The following PLPPR1 variants were observed in gnomAD, a reference collection of about 807,000 sequenced individuals.
PLPPR1 encodes the protein phospholipid phosphatase-related protein type 1.
In PLPPR1, 10 loss-of-function variants were observed where a neutral mutation model predicts 33.1. The ratio of observed to expected loss-of-function variants is 0.30; its 90% CI spans 0.19 to 0.51. PLPPR1 has a LOEUF of 0.51. Among genes scored for constraint, PLPPR1 ranks in the 20% least tolerant of loss-of-function variants. The pLI is 0.97. For synonymous variants in PLPPR1, 151 were observed against 151.0 expected, an observed-to-expected ratio of 1.00 and a Z score of 0.00; for missense variants, 304 against 408.1, an observed-to-expected ratio of 0.74 and a Z score of 2.20.
chr9:101,178,254 A>G (rs926972380), intron 1 of PLPPR1, among the ~76,000 whole-genome samples: 1 of 152,190 alleles, frequency 6.6e-6, no homozygotes, highest in Non-Finnish European at 1.5e-5. Flanking sequence ...GCTCAGCATC[A>G]TGGACTTCCA....
chr9:101,072,039 A>G (rs981418778), intron 1 of PLPPR1, among the ~76,000 whole-genome samples: 1 of 152,150 alleles, frequency 6.6e-6, no homozygotes, highest in African/African-American at 2.4e-5. Flanking sequence ...GAAGATACAC[A>G]TGATTTCAGT....
At chr9:101,267,952 T>C (rs1358407137) in intron 2 of PLPPR1, among the ~76,000 whole-genome samples, 3 of 152,132 alleles carry the variant, frequency 2.0e-5, no homozygotes, top group Non-Finnish European at 2.9e-5. Context: ...ATGTCCTTTG[T>C]AGGGACATGG....
At position 101,259,747 on chromosome 9, in the gene PLPPR1, G is replaced by T. The variant is rs148568273; in HGVS notation, c.64-10133G>T. On this transcript the variant is annotated intron_variant, in intron 2 of 7. Coordinates refer to ENST00000374874, the MANE Select transcript of PLPPR1 (RefSeq NM_207299.2). ...ATTAATATATGTAAGTTGTACATTGGTTCAGTCCAGAAAGGCGGGACAACT... is the reference window on the plus strand; with the variant it reads ...ATTAATATATGTAAGTTGTACATTGTTTCAGTCCAGAAAGGCGGGACAACT... Among the ~76,000 whole-genome samples the T allele has an allele frequency of 3.3e-5, 5 of 152,284 alleles. No homozygotes were observed. In the East Asian group the frequency reaches 9.7e-4, roughly 29 times the overall value.
chr9:101,129,978 A>G (rs1215355120), intron 1 of PLPPR1, among the ~76,000 whole-genome samples: 1 of 152,190 alleles, frequency 6.6e-6, no homozygotes, highest in Non-Finnish European at 1.5e-5. Context: ...AGTGCAAACT[A>G]ATGTATTTTG....
At chr9:101,296,051 C>T (rs1239197561) in intron 4 of PLPPR1, among the ~76,000 whole-genome samples, 2 of 151,998 alleles carry the variant, frequency 1.3e-5, no homozygotes, top group Admixed American at 6.6e-5. Context: ...ACAACCTACT[C>T]ATCTGACAAA....
chr9:101,117,233 G>A (rs1398629712), intron 1 of PLPPR1, among the ~76,000 whole-genome samples: 2 of 152,170 alleles, frequency 1.3e-5, no homozygotes, highest in Non-Finnish European at 2.9e-5. Flanking sequence ...GATGAGATAG[G>A]AGGTCAGCAC....
chr9:101,259,173 A>T (rs1375254873), intron 2 of PLPPR1, among the ~76,000 whole-genome samples: 1 of 152,102 alleles, frequency 6.6e-6, no homozygotes, highest in Non-Finnish European at 1.5e-5. Flanking sequence ...GAAGACAAGG[A>T]TGTAGTATTT....
At chr9:101,211,618 A>C (rs1826692404) in intron 2 of PLPPR1, among the ~76,000 whole-genome samples, 1 of 152,080 alleles carries the variant, frequency 6.6e-6, no homozygotes, top group Non-Finnish European at 1.5e-5. Flanking sequence ...AGTTAGGCCC[A>C]CCTCCTTAAC....
intron 7 of PLPPR1, among the ~76,000 whole-genome samples, chr9:101,322,995 A>T (rs1362720034): frequency 6.6e-6 from 1 of 152,162 alleles, no homozygotes; most frequent in Admixed American, 6.5e-5. Flanking sequence ...CCCCCCAAAA[A>T]TTCTATACAT....
At chr9:101,118,484 T>A (rs1831140917) in intron 1 of PLPPR1, among the ~76,000 whole-genome samples, 1 of 152,168 alleles carries the variant, frequency 6.6e-6, no homozygotes, top group African/African-American at 2.4e-5. Flanking sequence ...GGAAGGGATA[T>A]CTGGAACTCT....
At chr9:101,097,623 A>G (rs1830836626) in intron 1 of PLPPR1, among the ~76,000 whole-genome samples, 1 of 152,204 alleles carries the variant, frequency 6.6e-6, no homozygotes, top group South Asian at 2.1e-4. Context: ...CATTGTCTGT[A>G]TCATAAGACA....
intron 3 of PLPPR1, among the ~76,000 whole-genome samples, chr9:101,284,009 C>T (rs1384441174): frequency 6.6e-6 from 1 of 151,914 alleles, no homozygotes; most frequent in African/African-American, 2.4e-5. Context: ...GAAAAGGGAA[C>T]ACTTGCACAT....
chr9:101,305,801 G>C (rs1261446399), intron 4 of PLPPR1, among the ~76,000 whole-genome samples: 1 of 152,054 alleles, frequency 6.6e-6, no homozygotes, highest in Non-Finnish European at 1.5e-5. Context: ...TCAAGTGCTG[G>C]AGTCCTGTGC....
intron 4 of PLPPR1, among the ~76,000 whole-genome samples, chr9:101,299,345 G>T (rs543197405): frequency 6.6e-5 from 10 of 152,174 alleles, no homozygotes; most frequent in African/African-American, 1.9e-4. Flanking sequence ...TTGTGGCTGG[G>T]ATTCAAGGAT....
At chr9:101,313,625 A>T (rs531243644) in intron 6 of PLPPR1, among the ~76,000 whole-genome samples, 10 of 152,278 alleles carry the variant, frequency 6.6e-5, no homozygotes, top group African/African-American at 2.4e-4. Context: ...ATTATGTTTT[A>T]GTTCCCCAAA....
chr9:101,298,382 A>G (rs1828686758), intron 4 of PLPPR1, among the ~76,000 whole-genome samples: 1 of 152,194 alleles, frequency 6.6e-6, no homozygotes, highest in South Asian at 2.1e-4. Flanking sequence ...ATGTAACGCT[A>G]ATTAATTTCC....
At chr9:101,045,911 A>G (rs1830137674) in intron 1 of PLPPR1, among the ~76,000 whole-genome samples, 1 of 152,240 alleles carries the variant, frequency 6.6e-6, no homozygotes, top group East Asian at 1.9e-4. Context: ...CTCAATAAAT[A>G]TCAGTTATCT....
At chr9:101,044,656 T>C (rs1473932935) in intron 1 of PLPPR1, among the ~76,000 whole-genome samples, 1 of 152,204 alleles carries the variant, frequency 6.6e-6, no homozygotes, top group Non-Finnish European at 1.5e-5. Flanking sequence ...ATGAAGTAAC[T>C]CTTCCAGCAA....
chr9:101,216,530 A>G (rs1826798723), intron 2 of PLPPR1, among the ~76,000 whole-genome samples: 1 of 152,142 alleles, frequency 6.6e-6, no homozygotes, highest in South Asian at 2.1e-4. Flanking sequence ...AGCTTTTTAG[A>G]TTAATGTGAT....
Sources: gnomAD v4.1 joint callset for allele counts (sites outside exome capture counted in the v4.1 genomes callset) on GRCh38, gnomAD v4.1.1 for gene constraint, MANE v1.5 for transcripts, NCBI Gene and HGNC (gene_info 2026-07-23, HGNC 2026-07-21) for gene names.